The following XPOT variants were observed in gnomAD, a reference collection of about 807,000 sequenced individuals.
XPOT encodes the protein exportin-T.
Under a neutral mutation model 128.2 loss-of-function variants are expected in XPOT, and 34 were observed. That is an observed-to-expected ratio of 0.27 (90% CI 0.20 to 0.35). XPOT has a LOEUF of 0.35. Ranked by LOEUF, XPOT falls within the 10% of genes least tolerant of loss-of-function variation. The pLI, the probability that XPOT is intolerant of heterozygous loss-of-function variation, is 1.00. For missense variants in XPOT, 838 were observed against 1,125.3 expected (o/e 0.74, Z 3.65); for synonymous variants, 348 against 394.3 (o/e 0.88, Z 1.39).
Position 64,425,483 on chromosome 12 carries a change from T to C in XPOT, c.1572+26T>C, listed in dbSNP as rs1016745306. ...GTAAGTACTCTGGATTTTTGTTACT[T>C]TCCATGGGTTTCAGCTAATGACTTG... On this transcript the variant is annotated intron_variant, in intron 14 of 24. Coordinates refer to ENST00000332707, the MANE Select transcript of XPOT (RefSeq NM_007235.6). The C allele has an allele frequency of 1.9e-6, 3 of 1,610,406 alleles. No homozygotes were observed. In the African/African-American group the frequency reaches 4.0e-5, roughly 22 times the overall value.
At chr12:64,416,854 A>T in intron 4 of XPOT, 100 bp downstream of exon 4, 1 of 1,052,290 alleles carries the variant, frequency 9.5e-7, no homozygotes, top group Non-Finnish European at 1.4e-6. Flanking sequence ...ACAGGTTGTA[A>T]ATTCACAGTG....
intron 1 of XPOT, among the ~76,000 whole-genome samples, chr12:64,406,690 A>T (rs1197556093): frequency 6.6e-6 from 1 of 152,082 alleles, no homozygotes; most frequent in Non-Finnish European, 1.5e-5. Flanking sequence ...TTTTTTTAAA[A>T]AGCCATAGCA....
In XPOT at chr12:64,445,161, A is replaced by G. The variant is rs760722201; in HGVS notation, c.2862+30A>G. On this transcript the variant is annotated intron_variant, in intron 24 of 24. Coordinates refer to ENST00000332707, the MANE Select transcript of XPOT (RefSeq NM_007235.6). The stretch of plus-strand genomic sequence containing the variant: ...GTATTTGTGAAGCTCACGTATCTTC[A>G]TACAATTAGGTAATGTTTGAGAGCC... 4.5e-6 allele frequency: 7 copies of G among 1,538,676 alleles called. No homozygotes were observed. In the Admixed American group the frequency reaches 1.3e-4, roughly 28 times the overall value.
intron 15 of XPOT, among the ~76,000 whole-genome samples, chr12:64,427,410 C>G (rs1408736269): frequency 6.6e-6 from 1 of 152,028 alleles, no homozygotes; most frequent in African/African-American, 2.4e-5. Context: ...CATGAGCCAC[C>G]GCGCCCAGCC....
At chr12:64,407,458 C>G (rs1049984856) in intron 1 of XPOT, among the ~76,000 whole-genome samples, 1 of 150,846 alleles carries the variant, frequency 6.6e-6, no homozygotes, top group Non-Finnish European at 1.5e-5. Flanking sequence ...TGCACTCCAC[C>G]CTGGGCAACA....
At chr12:64,424,354 T>C (rs1436993012) in intron 11 of XPOT, among the ~76,000 whole-genome samples, 1 of 152,238 alleles carries the variant, frequency 6.6e-6, no homozygotes, top group Admixed American at 6.5e-5. Flanking sequence ...AATAAGTTTT[T>C]CTATATAAAT....
At chr12:64,406,400 C>G (rs1298390475) in intron 1 of XPOT, among the ~76,000 whole-genome samples, 1 of 147,750 alleles carries the variant, frequency 6.8e-6, no homozygotes, top group East Asian at 2.1e-4. Context: ...TGGAGTTTCG[C>G]TCTCGTTGAC....
intron 1 of XPOT, among the ~76,000 whole-genome samples, chr12:64,406,122 C>A (rs1206893183): frequency 6.6e-6 from 1 of 152,216 alleles, no homozygotes; most frequent in Non-Finnish European, 1.5e-5. Flanking sequence ...GTCGCCCAGG[C>A]GGGAGTGCAA....
At chr12:64,430,021 G>A (rs746790802) in intron 16 of XPOT, 28 bp from the exon 17 acceptor site, 1 of 1,529,312 alleles carries the variant, frequency 6.5e-7, no homozygotes, top group African/African-American at 1.4e-5. Context: ...AAAAATAAAA[G>A]CTTTAATAAG....
intron 2 of XPOT, among the ~76,000 whole-genome samples, chr12:64,412,006 T>C (rs7486506): frequency 1 from 139,164 of 139,798 alleles, 69,271 homozygotes; most frequent in East Asian, 1. Flanking sequence ...CTCTCCTTCC[T>C]CTCACCCCTG....
chr12:64,428,349 G>A (rs905645017), intron 16 of XPOT, among the ~76,000 whole-genome samples: 3 of 152,184 alleles, frequency 2.0e-5, no homozygotes, highest in Non-Finnish European at 2.9e-5. Context: ...TTGTTAAAAT[G>A]TTGAAGCATT....
Position 64,420,154 on chromosome 12 carries a change from C to A in XPOT, c.574C>A (p.Gln192Lys). The change falls in exon 7 of 25, where the codon CAA becomes AAA. Residue 192 changes from glutamine to lysine, a missense_variant. Physicochemically the swap from Gln to Lys is moderately conservative, Grantham distance 53. Around this residue, in one of 3 missense-constraint regions of XPOT, gnomAD observed 761 missense variants for 988.3 expected, o/e 0.77. Transcript: ENST00000332707. ...GGTGGAATCATGGTACCAAATATTA[C>A]AAAATTATCAGTTTACTAATTCTGA... ...NLVESWYQILQNYQFTNSEVT... is the reference protein window; with the variant it reads ...NLVESWYQILKNYQFTNSEVT... 1.9e-6 allele frequency: 3 copies of A among 1,612,670 alleles called. No homozygotes were observed. Among genetic ancestry groups the A allele is most frequent in the Non-Finnish European group, 2.5e-6 (3 of 1,179,480 alleles).
chr12:64,431,337 TTTG>T (rs2136029306), intron 17 of XPOT, among the ~76,000 whole-genome samples, 198 bp from the exon 18 acceptor site: 1 of 152,358 alleles, frequency 6.6e-6, no homozygotes, highest in Non-Finnish European at 1.5e-5. Context: ...TTTGAGCTCT[TTTG>T]TTCTGGAAAG....
intron 1 of XPOT, 153 bp downstream of exon 1, chr12:64,404,957 G>C (rs886370400): frequency 2.0e-5 from 3 of 152,236 alleles, no homozygotes; most frequent in African/African-American, 7.2e-5. Context: ...CCCCTGGCTG[G>C]GCGGACCGGG....
chr12:64,416,812 T>G (rs1477547920), intron 4 of XPOT, 58 bp downstream of exon 4: 27 of 1,431,582 alleles, frequency 1.9e-5, no homozygotes, highest in Non-Finnish European at 2.5e-5. Context: ...TTTTTTTAAT[T>G]TAATGTTTTT....
chr12:64,427,302 G>T (rs1480277756), intron 15 of XPOT, among the ~76,000 whole-genome samples: 2 of 151,760 alleles, frequency 1.3e-5, no homozygotes, highest in African/African-American at 4.8e-5. Flanking sequence ...TGTATTTTTA[G>T]TAGAGATGGG....
intron 16 of XPOT, among the ~76,000 whole-genome samples, chr12:64,428,529 C>T (rs1437597816): frequency 6.6e-6 from 1 of 151,744 alleles, no homozygotes; most frequent in African/African-American, 2.4e-5. Context: ...ACTGTTAGAT[C>T]GAAGGTTTTC....
chr12:64,410,049 C>T lies in XPOT; in HGVS notation c.14C>T (p.Ala5Val). The part of the protein sequence containing the change: MDEQ[A>V]LLGLNPNADS... ...ATAACAGCGAGGATGGATGAACAGG[C>T]TCTATTAGGGCTAAATCCAAATGCT... is the stretch of plus-strand genomic sequence containing the variant. The change falls in exon 2 of 25, where the codon GCT becomes GTT. Residue 5 changes from alanine to valine, a missense_variant. Physicochemically the swap from Ala to Val is moderately conservative, Grantham distance 64 (BLOSUM62 0). Transcript: ENST00000332707. The T allele has an allele frequency of 6.2e-7, 1 of 1,613,784 alleles. No homozygotes were observed. The highest frequency in any genetic ancestry group is 8.5e-7 in the Non-Finnish European group (1 of 1,179,934).
intron 2 of XPOT, among the ~76,000 whole-genome samples, chr12:64,413,406 C>T (rs891820088): frequency 2.0e-5 from 3 of 152,176 alleles, no homozygotes; most frequent in African/African-American, 4.8e-5. Flanking sequence ...TAGGTGTGAA[C>T]TGCTGTGCCT....
Sources: gnomAD v4.1 joint callset for allele counts (sites outside exome capture counted in the v4.1 genomes callset) on GRCh38, gnomAD v4.1.1 for gene constraint, gnomAD v4.1.1 regional missense constraint, MANE v1.5 for transcripts, NCBI Gene and HGNC (gene_info 2026-07-23, HGNC 2026-07-21) for gene names.